The following POPDC2 variants were observed in gnomAD, a reference collection of about 807,000 sequenced individuals.
POPDC2 encodes popeye domain cAMP effector 2.
POPDC2 carries 24 observed loss-of-function variants against 30.5 expected under a neutral mutation model. The ratio of observed to expected loss-of-function variants is 0.79; its 90% CI spans 0.57 to 1.11. The LOEUF (loss-of-function observed/expected upper bound fraction) is 1.11. Among genes scored for constraint, POPDC2 ranks in the 50% least tolerant of loss-of-function variants. POPDC2 has a pLI of 0.00. For missense variants in POPDC2, 409 were observed against 447.0 expected (o/e 0.91, Z 0.77); for synonymous variants, 185 against 183.3 (o/e 1.01, Z -0.07).
At chr3:119,645,566 C>CAAAAAAAAAAA (rs201320482) in intron 3 of POPDC2, among the ~76,000 whole-genome samples, 1 of 115,054 alleles carries the variant, frequency 8.7e-6, no homozygotes, top group African/African-American at 3.3e-5. Flanking sequence ...CCGTCTCAAA[C>CAAAAAAAAAAA]AAAAAAAAAA....
At chr3:119,653,254 G>A (rs1357246431) in intron 2 of POPDC2, among the ~76,000 whole-genome samples, 3 of 152,180 alleles carry the variant, frequency 2.0e-5, no homozygotes, top group Non-Finnish European at 4.4e-5. Flanking sequence ...TCAACCCATA[G>A]AGTTGTTATG....
Position 119,660,125 on chromosome 3 carries a change from C to G in POPDC2, c.299G>C (p.Arg100Pro), listed in dbSNP as rs146525523. 6.2e-7 allele frequency: 1 copy of G among 1,614,200 alleles called. No homozygotes were observed. The change falls in exon 1 of 4, where the codon CGT (arginine) becomes CCT (proline). Residue 100 changes from arginine to proline, a missense_variant. Transcript: ENST00000493094. ...LQLAHLVYRLREDTLPEEFDL... is the reference protein window; with the variant it reads ...LQLAHLVYRLPEDTLPEEFDL... ...AAACTCCTCAGGGAGGGTGTCCTCA[C>G]GCAGGCGGTATACCAGGTGTGCCAG...
At chr3:119,655,327 A>T (rs2052867580) in intron 1 of POPDC2, among the ~76,000 whole-genome samples, 2 of 152,156 alleles carry the variant, frequency 1.3e-5, no homozygotes, top group African/African-American at 4.8e-5. Context: ...ATTCTGTCTC[A>T]AAAAAAGAGA....
At chr3:119,648,048 T>G in intron 3 of POPDC2, 71 bp downstream of exon 3, 1 of 1,226,638 alleles carries the variant, frequency 8.2e-7, no homozygotes. Flanking sequence ...AATGATTTTT[T>G]TTGCCCTAAC....
intron 2 of POPDC2, among the ~76,000 whole-genome samples, chr3:119,650,042 T>C (rs2052791495): frequency 6.6e-6 from 1 of 152,236 alleles, no homozygotes; most frequent in Non-Finnish European, 1.5e-5. Flanking sequence ...ATACAATCTG[T>C]CCATTACTAA....
Position 119,648,377 on chromosome 3 carries a change from G to A in POPDC2, c.892C>T (p.Gln298Ter). ...EVCEPAVSPPQATPTSLQQTP... is the reference protein window; with the variant it reads ...EVCEPAVSPP ...TGCTGGAGAGAGGTGGGTGTGGCCT[G>A]AGGAGGGGACACAGCTGGCTCACAG... Residue 298 changes from glutamine (Q) to a stop codon, truncating the protein, a stop_gained, in exon 3 of 4, where the codon CAG (glutamine) becomes TAG (stop). Transcript: ENST00000493094. LOFTEE classifies it high-confidence loss of function. 1 of 1,614,142 alleles carries A rather than the reference G, an allele frequency of 6.2e-7. No homozygotes were observed. The highest frequency in any genetic ancestry group is 8.5e-7 in the Non-Finnish European group (1 of 1,180,022).
intron 2 of POPDC2, among the ~76,000 whole-genome samples, chr3:119,649,927 C>T (rs1388886815): frequency 3.3e-5 from 5 of 152,142 alleles, no homozygotes; most frequent in East Asian, 1.9e-4. Flanking sequence ...ACTACGTTAT[C>T]GAGGCCAGAA....
intron 1 of POPDC2, among the ~76,000 whole-genome samples, chr3:119,657,479 G>C (rs1163788248): frequency 6.6e-6 from 1 of 152,104 alleles, no homozygotes; most frequent in Non-Finnish European, 1.5e-5. Context: ...TATGGAAGGG[G>C]GAAAAGAAGG....
intron 1 of POPDC2, among the ~76,000 whole-genome samples, chr3:119,656,941 T>C (rs901276489): frequency 6.6e-5 from 10 of 152,350 alleles, no homozygotes; most frequent in African/African-American, 2.2e-4. Context: ...TCTTTGAGGA[T>C]TTCACAATTT....
At chr3:119,651,729 G>A (rs552048640) in intron 2 of POPDC2, among the ~76,000 whole-genome samples, 9 of 144,710 alleles carry the variant, frequency 6.2e-5, no homozygotes, top group Non-Finnish European at 9.0e-5. Context: ...TCCACCTCCC[G>A]GGTTCAAGCA....
intron 2 of POPDC2, among the ~76,000 whole-genome samples, chr3:119,653,263 T>C (rs1233012368): frequency 6.6e-6 from 1 of 152,218 alleles, no homozygotes; most frequent in Non-Finnish European, 1.5e-5. Flanking sequence ...AGAGTTGTTA[T>C]GAGAATCAAT....
At chr3:119,651,213 C>T (rs1452848426) in intron 2 of POPDC2, among the ~76,000 whole-genome samples, 1 of 152,204 alleles carries the variant, frequency 6.6e-6, no homozygotes, top group Non-Finnish European at 1.5e-5. Flanking sequence ...TGCACTGGCT[C>T]TTTCCTCTGT....
At chr3:119,648,032 T>G in intron 3 of POPDC2, 87 bp downstream of exon 3, 1 of 1,113,522 alleles carries the variant, frequency 9.0e-7, no homozygotes, top group Non-Finnish European at 1.2e-6. Flanking sequence ...GAGGAAATGT[T>G]CCACGAATGA....
intron 2 of POPDC2, among the ~76,000 whole-genome samples, chr3:119,654,232 A>C (rs974812686): frequency 6.6e-6 from 1 of 152,340 alleles, no homozygotes; most frequent in African/African-American, 2.4e-5. Context: ...ACCCTATAAC[A>C]AGTGTGGGTT....
chr3:119,650,919 A>G lies in POPDC2; in HGVS notation c.601-2251T>C, dbSNP rs143138571. 4.6e-3 allele frequency among the ~76,000 whole-genome samples: 703 copies of G among 152,364 alleles called. 6 individuals carry two copies. The highest frequency in any genetic ancestry group is 6.2e-3 in the Non-Finnish European group (425 of 68,040). ...GTCCCCCGAAAGCAGCTCTACCTGC[A>G]GCTTTCTTTGTCTCAGTTGACAGCA... On this transcript the variant is annotated intron_variant, in intron 2 of 3. Transcript: ENST00000493094.
chr3:119,642,268 C>G lies in POPDC2; in HGVS notation c.*337G>C, dbSNP rs975040960. 4.6e-6 allele frequency: 2 copies of G among 432,150 alleles called. No individual in the cohort carries two copies. Among genetic ancestry groups the G allele is most frequent in the Non-Finnish European group, 8.5e-6 (2 of 234,636 alleles). 26.8% of individuals were successfully genotyped at this position (432,150 alleles called of 1,614,324 possible). On this transcript the variant is annotated 3_prime_UTR_variant, in exon 4 of 4. Transcript: ENST00000493094. ...AATCTGTGCCTCTGCACTACCAATG[C>G]CTGCTCCTGAAGGAAGGTTTGTGAG...
intron 2 of POPDC2, 48 bp downstream of exon 2, chr3:119,654,457 C>T (rs1347989005): frequency 1.6e-6 from 2 of 1,270,896 alleles, no homozygotes; most frequent in African/African-American, 1.5e-5. Flanking sequence ...TATTGCTGGG[C>T]TACAGTGGGA....
rs559389486 is a variant in POPDC2 at position 119,654,519 on chromosome 3, C to T, written c.586G>A (p.Glu196Lys). The change falls in exon 2 of 4, where the codon GAG (glutamate) becomes AAG (lysine). Residue 196 changes from glutamate (E) to lysine (K), a missense_variant. Physicochemically the swap from Glu to Lys is moderately conservative, Grantham distance 56. Coordinates refer to ENST00000493094, the MANE Select transcript of POPDC2 (RefSeq NM_001369919.2). Reference protein sequence around the residue: ...PEWESLQPSEEGVFQVTLTAE... With the variant: ...PEWESLQPSEKGVFQVTLTAE... The stretch of plus-strand genomic sequence containing the variant: ...CTCCCTGTTACCTGGAACACCCCCT[C>T]CTCAGAAGGCTGTAGTGATTCCCAC... The T allele has an allele frequency of 9.9e-6, 16 of 1,612,832 alleles. No individual in the cohort carries two copies. In the Admixed American group the frequency reaches 2.5e-4, roughly 25 times the overall value.
At chr3:119,657,173 C>T (rs2052889199) in intron 1 of POPDC2, among the ~76,000 whole-genome samples, 1 of 152,192 alleles carries the variant, frequency 6.6e-6, no homozygotes, top group Non-Finnish European at 1.5e-5. Context: ...GCAGTCTGTT[C>T]TCCAGTATCT....
Sources: gnomAD v4.1 joint callset for allele counts (sites outside exome capture counted in the v4.1 genomes callset) on GRCh38, gnomAD v4.1.1 for gene constraint, MANE v1.5 for transcripts, NCBI Gene and HGNC (gene_info 2026-07-23, HGNC 2026-07-21) for gene names.